The following PJA2 variants were observed in gnomAD, a reference collection of about 807,000 sequenced individuals.
PJA2 encodes E3 ubiquitin-protein ligase Praja-2.
Under a neutral mutation model 69.3 loss-of-function variants are expected in PJA2, and 25 were observed. The ratio of observed to expected loss-of-function variants is 0.36; its 90% CI spans 0.26 to 0.50. PJA2 has a LOEUF of 0.50. PJA2 is among the 20% of genes least tolerant of loss of function. The pLI is 0.96. For missense variants in PJA2, 809 were observed against 830.2 expected (o/e 0.97, Z 0.31); for synonymous variants, 308 against 277.8 (o/e 1.11, Z -1.08).
chr5:109,344,373 C>T, intron 8 of PJA2, 62 bp from the exon 9 acceptor site: 2 of 1,519,166 alleles, frequency 1.3e-6, no homozygotes, highest in South Asian at 2.6e-5. Flanking sequence ...AACTGAAAAG[C>T]AACATATTAT....
chr5:109,392,726 T>C (rs1172699888), intron 1 of PJA2, among the ~76,000 whole-genome samples: 3 of 152,124 alleles, frequency 2.0e-5, no homozygotes, highest in African/African-American at 7.2e-5. Flanking sequence ...TTACATACAA[T>C]TGACTTATGA....
chr5:109,396,616 G>A (rs1367193135), intron 1 of PJA2, among the ~76,000 whole-genome samples: 4 of 151,036 alleles, frequency 2.6e-5, no homozygotes, highest in East Asian at 1.9e-4. Flanking sequence ...TAGTAGAGAC[G>A]GGGTTTCACC....
Position 109,378,818 on chromosome 5 carries a change from G to A in PJA2, c.669C>T (p.Asn223=), listed in dbSNP as rs201608564. 22 of 1,613,378 alleles carry A rather than the reference G, an allele frequency of 1.4e-5. No individual in the cohort carries two copies. Among genetic ancestry groups the A allele is most frequent in the Non-Finnish European group, 1.8e-5 (21 of 1,180,016 alleles). The stretch of plus-strand genomic sequence containing the variant: ...CTTCAAACTCATCTCTTACTTCACA[G>A]TTAAATGAGGGAACTGGTGGTGAAA... ...TGLSPPVPSF[N]CEVRDEFEEL... The change falls in exon 4 of 10, where the codon AAC becomes AAT. Residue 223 remains asparagine (N), a synonymous_variant. Coordinates refer to ENST00000361189, the MANE Select transcript of PJA2 (RefSeq NM_014819.5).
At chr5:109,363,154 C>T (rs1481212450) in intron 5 of PJA2, 132 bp from the exon 6 acceptor site, 8 of 721,730 alleles carry the variant, frequency 1.1e-5, no homozygotes, top group Non-Finnish European at 1.4e-5. Context: ...TTCTAAAAAA[C>T]TGTCTTCCTT....
At chr5:109,397,827 A>G (rs1747452442) in intron 1 of PJA2, among the ~76,000 whole-genome samples, 1 of 152,090 alleles carries the variant, frequency 6.6e-6, no homozygotes, top group African/African-American at 2.4e-5. Flanking sequence ...AACGGCCAAC[A>G]ACAACTTTAA....
chr5:109,393,143 TAAAAAAGA>T (rs1747319606), intron 1 of PJA2, among the ~76,000 whole-genome samples: 1 of 152,012 alleles, frequency 6.6e-6, no homozygotes, highest in South Asian at 2.1e-4. Context: ...CTCCTAAATA[TAAAAAAGA>T]ATAAGATAAT....
chr5:109,404,716 T>C (rs1747641908), intron 1 of PJA2, among the ~76,000 whole-genome samples: 1 of 152,018 alleles, frequency 6.6e-6, no homozygotes, highest in Admixed American at 6.5e-5. Context: ...CACGAATCCA[T>C]TAATGAAGGC....
At chr5:109,409,606 G>A (rs1747781342) in intron 1 of PJA2, among the ~76,000 whole-genome samples, 2 of 152,138 alleles carry the variant, frequency 1.3e-5, no homozygotes, top group Middle Eastern at 3.4e-3. Flanking sequence ...CGACCGTCCC[G>A]GATAGGAGCG....
At chr5:109,393,408 A>T (rs1047887847) in intron 1 of PJA2, among the ~76,000 whole-genome samples, 3 of 152,234 alleles carry the variant, frequency 2.0e-5, no homozygotes, top group African/African-American at 7.2e-5. Context: ...CATTCATCTC[A>T]GAAAACTTTT....
At chr5:109,344,895 CA>C in intron 7 of PJA2, 76 bp from the exon 8 acceptor site, 1 of 869,824 alleles carries the variant, frequency 1.1e-6, no homozygotes, top group South Asian at 1.7e-5. Context: ...AGGGTATCTC[CA>C]AAATTATATC....
intron 5 of PJA2, among the ~76,000 whole-genome samples, chr5:109,366,339 T>A (rs1762585307): frequency 6.6e-6 from 1 of 152,236 alleles, no homozygotes; most frequent in Admixed American, 6.5e-5. Flanking sequence ...GAAAAATGTG[T>A]GAGCAAAACC....
intron 1 of PJA2, among the ~76,000 whole-genome samples, chr5:109,396,680 C>G (rs1256211822): frequency 1.3e-5 from 2 of 149,354 alleles, no homozygotes; most frequent in Non-Finnish European, 3.0e-5. Flanking sequence ...CTGCCTCGAC[C>G]TCCCAAAGTG....
At chr5:109,351,256 G>A (rs77742541) in intron 7 of PJA2, among the ~76,000 whole-genome samples, 4,642 of 151,550 alleles carry the variant, frequency 0.031, 95 homozygotes, top group Middle Eastern at 0.048. Flanking sequence ...GGTGAACAAC[G>A]TTTTTCAACC....
intron 9 of PJA2, among the ~76,000 whole-genome samples, chr5:109,338,013 G>A (rs1184046795): frequency 1.3e-5 from 2 of 152,042 alleles, no homozygotes; most frequent in African/African-American, 2.4e-5. Context: ...GAGAGAAGGT[G>A]GGAAGGAGAA....
rs534927072 is a variant in PJA2, at chr5:109,357,210, A to C, written c.1653-1184T>G. Among the ~76,000 whole-genome samples, 16 of 152,222 alleles carry C rather than the reference A, an allele frequency of 1.1e-4. 1 individual carries two copies. In the South Asian group the frequency reaches 1.5e-3, roughly 14 times the overall value. On this transcript the variant is annotated intron_variant, in intron 6 of 9. Transcript: ENST00000361189. ...ACCTCTTAAGTCCAAGAGATCCAAA[A>C]CTGAGCTTATTTTGTCTAAAGACAA...
rs546878644 is a variant in PJA2 at position 109,343,630 on chromosome 5, T to C, written c.2001+560A>G. On this transcript the variant is annotated intron_variant, in intron 9 of 9. Coordinates refer to ENST00000361189, the MANE Select transcript of PJA2 (RefSeq NM_014819.5). The stretch of plus-strand genomic sequence containing the variant: ...AATGAGTTTTCAGATATTTAATCAC[T>C]TCCTAAAATGATTAAAAACATGTTG... Among the ~76,000 whole-genome samples, 6 of 152,320 alleles carry C rather than the reference T, an allele frequency of 3.9e-5. No homozygotes were observed. In the South Asian group the frequency reaches 8.3e-4, roughly 21 times the overall value.
At chr5:109,409,498 T>C (rs1350974711) in intron 1 of PJA2, among the ~76,000 whole-genome samples, 7 of 152,062 alleles carry the variant, frequency 4.6e-5, no homozygotes, top group African/African-American at 1.2e-4. Flanking sequence ...AGCGGGCTCC[T>C]TGGCCAAGTC....
intron 1 of PJA2, among the ~76,000 whole-genome samples, chr5:109,403,228 TAAATG>T (rs1747601173): frequency 6.6e-6 from 1 of 152,014 alleles, no homozygotes; most frequent in South Asian, 2.1e-4. Flanking sequence ...TGACAACGAA[TAAATG>T]AAATAAGACA....
chr5:109,371,795 CT>C (rs1219683714), intron 4 of PJA2, among the ~76,000 whole-genome samples: 1 of 152,230 alleles, frequency 6.6e-6, no homozygotes, highest in African/African-American at 2.4e-5. Context: ...CATTAACCCT[CT>C]GTCTTAAGGT....
Sources: allele counts gnomAD v4.1 joint callset (sites outside exome capture counted in the v4.1 genomes callset), GRCh38; gene constraint gnomAD v4.1.1; transcripts MANE v1.5; gene names NCBI Gene and HGNC (gene_info 2026-07-23, HGNC 2026-07-21).